Variants in FTO observed in about 807,000 individuals in gnomAD.
FTO encodes the protein alpha-ketoglutarate-dependent dioxygenase FTO.
A neutral mutation model predicts 63.9 loss-of-function variants in FTO; 47 were observed. The observed-to-expected ratio is 0.74, with a 90% CI of 0.58 to 0.94. The LOEUF (loss-of-function observed/expected upper bound fraction) is 0.94, where lower values mean the gene tolerates loss of function less well. Among genes scored for constraint, FTO ranks in the 40% least tolerant of loss-of-function variants. FTO has a pLI of 0.00. For missense variants in FTO, 562 were observed against 618.1 expected (o/e 0.91, Z 0.96); for synonymous variants, 207 against 224.4 (o/e 0.92, Z 0.69).
At chr16:53,887,842 C>A (rs866432505) in intron 6 of FTO, 1 of 151,994 alleles carries the variant, frequency 6.6e-6, no homozygotes, top group Non-Finnish European at 1.5e-5. Flanking sequence ...ATGGCTTTGT[C>A]GGTTTAATGT....
rs575337199 is a variant in FTO at position 53,740,356 on chromosome 16, G to A, written c.45+36127G>A. Among the ~76,000 whole-genome samples, 433 of 152,222 alleles carry A rather than the reference G, an allele frequency of 2.8e-3. 1 individual carries two copies. The highest frequency in any genetic ancestry group is 5.4e-3 in the Non-Finnish European group (365 of 67,992). On this transcript the variant is annotated intron_variant, in intron 1 of 8. Coordinates refer to ENST00000471389, the MANE Select transcript of FTO (RefSeq NM_001080432.3). ...TGTTTTATCGTACTAAAAATTTTACGTATATTTTGAAAACAGTTGCAAATT... is the reference window on the plus strand; with the variant it reads ...TGTTTTATCGTACTAAAAATTTTACATATATTTTGAAAACAGTTGCAAATT...
At chr16:54,041,594 A>G (rs1339133465) in intron 8 of FTO, among the ~76,000 whole-genome samples, 4 of 152,174 alleles carry the variant, frequency 2.6e-5, no homozygotes, top group Non-Finnish European at 5.9e-5. Context: ...TTAGACCGGA[A>G]GACCCTGAGG....
At chr16:54,089,118 G>T (rs890346366) in intron 8 of FTO, among the ~76,000 whole-genome samples, 1 of 152,200 alleles carries the variant, frequency 6.6e-6, no homozygotes, top group Non-Finnish European at 1.5e-5. Context: ...TTGAGTAGGT[G>T]CTGAGATACT....
At chr16:53,704,714 C>T (rs576016763) in intron 1 of FTO, among the ~76,000 whole-genome samples, 1 of 152,316 alleles carries the variant, frequency 6.6e-6, no homozygotes, top group East Asian at 1.9e-4. Context: ...TACATTGCTC[C>T]TCTCTACCTT....
chr16:53,774,279 C>T (rs937008067), intron 1 of FTO, among the ~76,000 whole-genome samples: 1 of 152,166 alleles, frequency 6.6e-6, no homozygotes, highest in Non-Finnish European at 1.5e-5. Flanking sequence ...GTGTCTCCTC[C>T]ACCAGGTAAA....
At chr16:53,849,450 A>G (rs138957987) in intron 4 of FTO, among the ~76,000 whole-genome samples, 19 of 152,312 alleles carry the variant, frequency 1.2e-4, no homozygotes, top group Admixed American at 3.9e-4. Context: ...CACCTTCACA[A>G]AATACCATTC....
intron 4 of FTO, among the ~76,000 whole-genome samples, chr16:53,872,569 A>T (rs2080531366): frequency 6.6e-6 from 1 of 152,180 alleles, no homozygotes; most frequent in Non-Finnish European, 1.5e-5. Context: ...ATGGGATTAT[A>T]TCTTGCTGAA....
chr16:54,072,049 C>T (rs2085885541), intron 8 of FTO: 1 of 152,134 alleles, frequency 6.6e-6, no homozygotes, highest in Non-Finnish European at 1.5e-5. Flanking sequence ...TTTTCCCATA[C>T]CATGTGGCCG....
intron 8 of FTO, among the ~76,000 whole-genome samples, chr16:54,018,937 T>C (rs2084525071): frequency 6.6e-6 from 1 of 152,186 alleles, no homozygotes; most frequent in Admixed American, 6.5e-5. Flanking sequence ...ACAATGCCAG[T>C]TGTTATCTCA....
intron 7 of FTO, among the ~76,000 whole-genome samples, chr16:53,914,782 TACA>T: frequency 6.6e-6 from 1 of 152,210 alleles, no homozygotes; most frequent in Non-Finnish European, 1.5e-5. Context: ...TGAACAGCTG[TACA>T]ACAAGCATCT....
intron 1 of FTO, among the ~76,000 whole-genome samples, chr16:53,708,620 C>T (rs940100384): frequency 2.0e-5 from 3 of 152,300 alleles, no homozygotes; most frequent in East Asian, 1.9e-4. Context: ...TGTGGCTACA[C>T]CATTTTACAT....
At chr16:53,971,543 A>G (rs1338493776) in intron 8 of FTO, among the ~76,000 whole-genome samples, 2 of 152,200 alleles carry the variant, frequency 1.3e-5, no homozygotes, top group Non-Finnish European at 2.9e-5. Flanking sequence ...TGTTCTTACA[A>G]CATCTGTATT....
chr16:53,878,595 T>C lies in FTO; in HGVS notation c.976-1249T>C, dbSNP rs1386812283. On this transcript the variant is annotated intron_variant, in intron 5 of 8. Coordinates refer to ENST00000471389, the MANE Select transcript of FTO (RefSeq NM_001080432.3). The stretch of plus-strand genomic sequence containing the variant: ...CAAGGTTATTTACAAGGGCTCAGTT[T>C]AAATTATAAATAATAAAACCAAAAT... 1.1e-4 allele frequency among the ~76,000 whole-genome samples: 16 copies of C among 152,216 alleles called. 1 individual carries two copies. The highest frequency in any genetic ancestry group is 1.0e-3 in the Admixed American group (16 of 15,284).
chr16:54,090,373 G>A (rs1019119249), intron 8 of FTO, among the ~76,000 whole-genome samples: 2 of 152,170 alleles, frequency 1.3e-5, no homozygotes, highest in Admixed American at 1.3e-4. Context: ...ACCAGGGGCT[G>A]GGAGAAGGGA....
At chr16:53,928,701 C>T (rs534490475) in intron 7 of FTO, among the ~76,000 whole-genome samples, 1 of 152,192 alleles carries the variant, frequency 6.6e-6, no homozygotes, top group Non-Finnish European at 1.5e-5. Context: ...TTACTTGAAA[C>T]TTGTTTTCTG....
At position 54,111,834 on chromosome 16, in the gene FTO, T is replaced by C; in HGVS notation, c.1437T>C (p.Asp479=). The change falls in exon 9 of 9, where the codon GAT becomes GAC. Residue 479 remains aspartate, a synonymous_variant. Transcript: ENST00000471389. ...KPECRPYWEK[D]DASMPLPFDL... ...AATGTCGGCCATACTGGGAAAAGGA[T>C]GATGCTTCGATGCCTCTGCCGTTTG... 4.3e-6 allele frequency: 7 copies of C among 1,614,178 alleles called. No homozygotes were observed. Among genetic ancestry groups the C allele is most frequent in the Non-Finnish European group, 5.9e-6 (7 of 1,180,028 alleles).
chr16:53,931,341 T>C (rs2082278959), intron 7 of FTO, among the ~76,000 whole-genome samples: 1 of 149,506 alleles, frequency 6.7e-6, no homozygotes, highest in South Asian at 2.2e-4. Context: ...AGGTTCACTC[T>C]TGTTGCCCAG....
chr16:53,934,107 C>G lies in FTO; in HGVS notation c.1362C>G (p.Ala454=), dbSNP rs747478505. Residue 454 remains alanine, a splice_region_variant and synonymous_variant, in exon 8 of 9, where the codon GCC becomes GCG. Coordinates refer to ENST00000471389, the MANE Select transcript of FTO (RefSeq NM_001080432.3). ...AGAACCTGAGGAGAGAATGGCATGC[C>G]AGGTTAGTTCTGTTGTGAAATGGGA... The part of the protein sequence containing the change: ...ARQNLRREWH[A]RCQSRIARTL... The G allele has an allele frequency of 6.2e-7, 1 of 1,614,098 alleles. No homozygotes were observed. Among genetic ancestry groups the G allele is most frequent in the Admixed American group, 1.7e-5 (1 of 60,024 alleles).
intron 8 of FTO, among the ~76,000 whole-genome samples, chr16:53,953,285 A>T (rs557515938): frequency 6.6e-6 from 1 of 152,328 alleles, no homozygotes; most frequent in Non-Finnish European, 1.5e-5. Flanking sequence ...AACAAGAAGC[A>T]TTTGGCTCTG....
Sources: gnomAD v4.1 joint callset for allele counts (sites outside exome capture counted in the v4.1 genomes callset) on GRCh38, gnomAD v4.1.1 for gene constraint, MANE v1.5 for transcripts, NCBI Gene and HGNC (gene_info 2026-07-23, HGNC 2026-07-21) for gene names.